PGR: variants seen among roughly 807,000 people sequenced by gnomAD.
The protein encoded by PGR is nuclear receptor subfamily 3 group C member 3.
A neutral mutation model predicts 76.1 loss-of-function variants in PGR; 25 were observed. That is an observed-to-expected ratio of 0.33 (90% CI 0.24 to 0.46). PGR has a LOEUF of 0.46. Among genes scored for constraint, PGR ranks in the 20% least tolerant of loss-of-function variants. The probability of loss-of-function intolerance (pLI) is 1.00; values close to 1 mark genes in which losing one functional copy is unlikely to be tolerated. For synonymous variants in PGR, 579 were observed against 535.0 expected (o/e 1.08, Z -1.14); for missense variants, 1,172 against 1,225.3 (o/e 0.96, Z 0.65).
chr11:101,085,166 C>T (rs949975085), intron 3 of PGR, among the ~76,000 whole-genome samples: 1 of 152,108 alleles, frequency 6.6e-6, no homozygotes, highest in Non-Finnish European at 1.5e-5. Context: ...ACATATACTC[C>T]AAGATTCACC....
chr11:101,126,861 T>G (rs1862854395), intron 1 of PGR: 1 of 152,626 alleles, frequency 6.6e-6, no homozygotes, highest in South Asian at 2.1e-4. Flanking sequence ...CCACGTGAAC[T>G]TAATTTTAAT....
chr11:101,082,576 G>A (rs1379382340), intron 3 of PGR, among the ~76,000 whole-genome samples: 1 of 139,890 alleles, frequency 7.1e-6, no homozygotes, highest in African/African-American at 2.4e-5. Context: ...ATTGGGAACT[G>A]GAGTAAAGGT....
intron 2 of PGR, among the ~76,000 whole-genome samples, chr11:101,096,263 G>A (rs1477017357): frequency 3.3e-5 from 5 of 152,262 alleles, no homozygotes; most frequent in Non-Finnish European, 5.9e-5. Flanking sequence ...CCTGTGACAG[G>A]CTGGAATGGC....
At chr11:101,070,291 C>T (rs1245783708) in intron 3 of PGR, among the ~76,000 whole-genome samples, 1 of 152,168 alleles carries the variant, frequency 6.6e-6, no homozygotes, top group Non-Finnish European at 1.5e-5. Context: ...TGTGTTCCGG[C>T]CCAGATACTA....
intron 2 of PGR, among the ~76,000 whole-genome samples, chr11:101,101,814 G>A (rs1862005044): frequency 6.6e-6 from 1 of 152,124 alleles, no homozygotes; most frequent in Non-Finnish European, 1.5e-5. Flanking sequence ...TTTTTTAAAT[G>A]AGCTAATAAA....
intron 2 of PGR, among the ~76,000 whole-genome samples, chr11:101,111,054 A>G (rs1288039722): frequency 6.6e-6 from 1 of 152,218 alleles, no homozygotes; most frequent in African/African-American, 2.4e-5. Context: ...TTTTTTAGAT[A>G]CCAGAAAGCA....
intron 3 of PGR, chr11:101,064,125 G>T (rs1860614938): frequency 1.3e-5 from 2 of 152,068 alleles, no homozygotes; most frequent in African/African-American, 4.8e-5. Context: ...GAGGTCAGAA[G>T]TTCGAGACCA....
chr11:101,088,230 T>C (rs1861558915), intron 3 of PGR, among the ~76,000 whole-genome samples: 1 of 151,864 alleles, frequency 6.6e-6, no homozygotes, highest in African/African-American at 2.4e-5. Flanking sequence ...CAAAACCTAA[T>C]AGATGCTGGT....
chr11:101,110,603 T>C (rs1862315243), intron 2 of PGR, among the ~76,000 whole-genome samples: 1 of 152,220 alleles, frequency 6.6e-6, no homozygotes, highest in African/African-American at 2.4e-5. Flanking sequence ...GTGAAGACGC[T>C]GTGAGCATTG....
intron 2 of PGR, among the ~76,000 whole-genome samples, chr11:101,114,742 C>T (rs1862450094): frequency 6.6e-6 from 1 of 152,118 alleles, no homozygotes; most frequent in East Asian, 1.9e-4. Context: ...TTCCAATCTA[C>T]CCATTGAACC....
chr11:101,041,416 T>C (rs1213556224), intron 7 of PGR, among the ~76,000 whole-genome samples: 1 of 152,114 alleles, frequency 6.6e-6, no homozygotes, highest in Admixed American at 6.6e-5. Flanking sequence ...TTTGCTTTTC[T>C]TTTTTCCCCC....
chr11:101,114,786 T>C (rs894560638), intron 2 of PGR, among the ~76,000 whole-genome samples: 1 of 152,146 alleles, frequency 6.6e-6, no homozygotes, highest in African/African-American at 2.4e-5. Context: ...CTCAGGTCCT[T>C]AGTGCACCAT....
rs564717892 is a variant in PGR, at chr11:101,071,461, T to C, written c.1907-8709A>G. On this transcript the variant is annotated intron_variant, in intron 3 of 7. Transcript: ENST00000325455. ...CTCCTCACCAGCAAGGGAATAAAAC[T>C]GGACGGAGAATGAGTTTGACAAATT... Among the ~76,000 whole-genome samples the C allele has an allele frequency of 2.0e-5, 3 of 151,964 alleles. No homozygotes were observed. The South Asian group carries it at 6.2e-4, about 32-fold the overall frequency.
intron 2 of PGR, among the ~76,000 whole-genome samples, chr11:101,102,961 C>G (rs959636979): frequency 2.0e-5 from 3 of 151,848 alleles, no homozygotes; most frequent in Non-Finnish European, 2.9e-5. Flanking sequence ...AACCTAGATC[C>G]CTGGCACGCG....
intron 4 of PGR, among the ~76,000 whole-genome samples, chr11:101,057,808 G>A (rs1860346267): frequency 6.6e-6 from 1 of 152,160 alleles, no homozygotes; most frequent in Admixed American, 6.5e-5. Flanking sequence ...AAAGGCCTTA[G>A]GTTTAGGGGG....
intron 2 of PGR, among the ~76,000 whole-genome samples, chr11:101,098,017 C>T (rs1013317131): frequency 6.6e-6 from 1 of 151,998 alleles, no homozygotes; most frequent in African/African-American, 2.4e-5. Context: ...ACCTTGTGAT[C>T]CTCCTGCCTC....
chr11:101,038,575 T>G lies in PGR; in HGVS notation c.*541A>C, dbSNP rs1025212077. ...AGAACATCAATCTATTTTAGTGGTT[T>G]TAAACTCTTTCTACATTTTTTGCAT... On this transcript the variant is annotated 3_prime_UTR_variant, in exon 8 of 8. Coordinates refer to ENST00000325455, the MANE Select transcript of PGR (RefSeq NM_000926.4). The G allele has an allele frequency of 2.2e-5, 5 of 230,362 alleles. No individual in the cohort carries two copies. Among genetic ancestry groups the G allele is most frequent in the African/African-American group, 1.1e-4 (5 of 45,166 alleles). The allele number at this position is 230,362 out of a possible 1,614,324, so 14.3% of individuals were successfully genotyped here.
intron 6 of PGR, 143 bp from the exon 7 acceptor site, chr11:101,042,245 G>A: frequency 1.4e-6 from 1 of 722,482 alleles, no homozygotes; most frequent in African/African-American, 1.8e-5. Flanking sequence ...AAGAGATAGT[G>A]TTATTGATAT....
rs11571147 is a variant in PGR, at chr11:101,128,031, C to G, written c.1040G>C (p.Cys347Ser). 8,239 of 1,607,940 alleles carry G rather than the reference C, an allele frequency of 5.1e-3. 351 individuals are homozygous for G. The African/African-American group carries it at 0.098, about 19-fold the overall frequency. Residue 347 changes from cysteine (C) to serine (S), a missense_variant, in exon 1 of 8, where the codon TGT becomes TCT. Around this residue, in one of 4 missense-constraint regions of PGR, gnomAD observed 893 missense variants for 785.9 expected, o/e 1.14. Coordinates refer to ENST00000325455, the MANE Select transcript of PGR (RefSeq NM_000926.4). ...TACAGCGACCGGGGTGGACGAGGCA[C>G]AGGGTGAACTCCGCGGCGGGGCAAA... ...SAFAPPRSSP[C>S]ASSTPVAVGD...
Sources: gnomAD v4.1 joint callset for allele counts (sites outside exome capture counted in the v4.1 genomes callset) on GRCh38, gnomAD v4.1.1 for gene constraint, gnomAD v4.1.1 regional missense constraint, MANE v1.5 for transcripts, NCBI Gene and HGNC (gene_info 2026-07-23, HGNC 2026-07-21) for gene names.